The following MYH15 variants were observed in gnomAD, a reference collection of about 807,000 sequenced individuals.
MYH15 encodes the protein myosin heavy chain 15.
Under a neutral mutation model 240.5 loss-of-function variants are expected in MYH15, and 227 were observed. The ratio of observed to expected loss-of-function variants is 0.94; its 90% CI spans 0.85 to 1.05. The LOEUF is 1.05. Among genes scored for constraint, MYH15 ranks in the 50% least tolerant of loss-of-function variants. The pLI is 0.00. For synonymous variants in MYH15, 785 were observed against 796.7 expected (o/e 0.99, Z 0.25); for missense variants, 2,217 against 2,247.5 (o/e 0.99, Z 0.27).
chr3:108,542,669 C>T, the MYH15 span, among the ~76,000 whole-genome samples: 223 of 152,222 alleles, frequency 1.5e-3, no homozygotes, highest in African/African-American at 5.0e-3. Context: ...AGGCCCAGCA[C>T]CTATTAGCTA....
chr3:108,391,912 C>A lies in MYH15; in HGVS notation c.5278G>T (p.Glu1760Ter). ...ATGGTGTCTTGCTTCTTCTTCAGTT[C>A]TTCTGACAAGTTTGCTGCCTAGGGG... ...AAIEAANLSEELKKKQDTIAH... is the reference protein window; with the variant it reads ...AAIEAANLSE The change falls in exon 37 of 41, where the codon GAA becomes TAA. Residue 1760 changes from glutamate to a stop codon, truncating the protein, a stop_gained. Coordinates refer to ENST00000693548, the MANE Select transcript of MYH15 (RefSeq NM_014981.3). LOFTEE classifies it high-confidence loss of function. The A allele has an allele frequency of 6.2e-7, 1 of 1,614,028 alleles. No homozygotes were observed. Among genetic ancestry groups the A allele is most frequent in the Non-Finnish European group, 8.5e-7 (1 of 1,179,948 alleles).
intron 21 of MYH15, among the ~76,000 whole-genome samples, chr3:108,448,115 A>T (rs960077418): frequency 6.6e-6 from 1 of 152,054 alleles, no homozygotes; most frequent in African/African-American, 2.4e-5. Context: ...CAAAGAAAAA[A>T]CTTCTAGTAA....
Position 108,383,732 on chromosome 3 carries a change from A to C in MYH15, c.5632-3T>G, listed in dbSNP as rs761334625. ...AGGTATTGATTGGCTTGTGTTTCCT[A>C]TAAAAATAAAAAAAAAAAAAAAGAA... On this transcript the variant is annotated splice_polypyrimidine_tract_variant and splice_region_variant and intron_variant, in intron 39 of 40. Transcript: ENST00000693548. 1 of 1,451,648 alleles carries C rather than the reference A, an allele frequency of 6.9e-7. No individual in the cohort carries two copies. The highest frequency in any genetic ancestry group is 8.9e-7 in the Non-Finnish European group (1 of 1,119,718). The allele number at this position is 1,451,648 out of a possible 1,614,324, so 89.9% of individuals were successfully genotyped here.
At chr3:108,456,947 A>T in intron 18 of MYH15, 64 bp from the exon 19 acceptor site, 1 of 1,177,686 alleles carries the variant, frequency 8.5e-7, no homozygotes, top group Non-Finnish European at 1.3e-6. Flanking sequence ...ACAGATTTTG[A>T]ACCAATTGCT....
chr3:108,514,084 T>C (rs2083542105), upstream of MYH15, among the ~76,000 whole-genome samples: 1 of 152,170 alleles, frequency 6.6e-6, no homozygotes. Flanking sequence ...CTTTTCCTCT[T>C]AGCCAAGAAA....
intron 20 of MYH15, among the ~76,000 whole-genome samples, chr3:108,455,264 T>G (rs558971894): frequency 1.3e-5 from 2 of 152,306 alleles, no homozygotes; most frequent in South Asian, 4.1e-4. Context: ...GGAATCACAT[T>G]TAAGGAAGTT....
chr3:108,538,435 C>A, the MYH15 span, among the ~76,000 whole-genome samples: 1 of 152,156 alleles, frequency 6.6e-6, no homozygotes, highest in Admixed American at 6.5e-5. Context: ...ATTTTAAATT[C>A]TTTCAAACTA....
At chr3:108,491,038 C>T (rs143017487) in intron 9 of MYH15, among the ~76,000 whole-genome samples, 382 of 152,226 alleles carry the variant, frequency 2.5e-3, no homozygotes, top group African/African-American at 8.3e-3. Context: ...CGAGCACCTG[C>T]CACCATGCCT....
Position 108,398,652 on chromosome 3 carries a change from A to G in MYH15, c.5118T>C (p.Asn1706=). 6.2e-7 allele frequency: 1 copy of G among 1,613,180 alleles called. No individual in the cohort carries two copies. Among genetic ancestry groups the G allele is most frequent in the Non-Finnish European group, 8.5e-7 (1 of 1,180,032 alleles). The change falls in exon 35 of 41, where the codon AAT becomes AAC. Residue 1706 remains asparagine, a synonymous_variant. Coordinates refer to ENST00000693548, the MANE Select transcript of MYH15 (RefSeq NM_014981.3). ...TGGGCCCCACCTGGGTATAGAAAAGATTGATTCTTTCTGTTGCTTCCAGGA... is the reference window on the plus strand; with the variant it reads ...TGGGCCCCACCTGGGTATAGAAAAGGTTGATTCTTTCTGTTGCTTCCAGGA... ...EELLEATERI[N]LFYTQNTSLL... is the part of the protein sequence containing the mutation.
intron 30 of MYH15, among the ~76,000 whole-genome samples, chr3:108,412,332 C>A (rs998894716): frequency 6.6e-6 from 1 of 152,174 alleles, no homozygotes; most frequent in Non-Finnish European, 1.5e-5. Flanking sequence ...TTTATTCACT[C>A]ACTTCTCTTC....
In MYH15 at chr3:108,470,188, T is replaced by A. The variant is rs1012927501; in HGVS notation, c.1408A>T (p.Ile470Phe). 6.2e-7 allele frequency: 1 copy of A among 1,609,072 alleles called. No homozygotes were observed. The highest frequency in any genetic ancestry group is 1.3e-5 in the African/African-American group (1 of 74,616). The change falls in exon 14 of 41, where the codon ATT (isoleucine) becomes TTT (phenylalanine). Residue 470 changes from isoleucine (I) to phenylalanine (F), a missense_variant. Transcript: ENST00000693548. ...TGTAATTTTTCATTGGTAAAATTAATGCAAAGTTGCTCAAGGCTATTATAC... is the reference window on the plus strand; with the variant it reads ...TGTAATTTTTCATTGGTAAAATTAAAGCAAAGTTGCTCAAGGCTATTATAC... The part of the protein sequence containing the change: ...LEYNSLEQLC[I>F]NFTNEKLQQF...
In MYH15 at chr3:108,428,529, T is replaced by A; in HGVS notation, c.3665A>T (p.Asp1222Val). 1 of 1,613,914 alleles carries A rather than the reference T, an allele frequency of 6.2e-7. No homozygotes were observed. The highest frequency in any genetic ancestry group is 8.5e-7 in the Non-Finnish European group (1 of 1,179,984). ...DKSDLQLEVD[D>V]LLTRVEQMTR... is the part of the protein sequence containing the mutation. Reference sequence around the variant, plus strand: ...CATCTGCTCAACACGGGTCAGGAGGTCATCTACTTCTAGCTGCAAGTCACT... The same window carrying A: ...CATCTGCTCAACACGGGTCAGGAGGACATCTACTTCTAGCTGCAAGTCACT... The change falls in exon 27 of 41, where the codon GAC becomes GTC. Residue 1222 changes from aspartate to valine, a missense_variant. Physicochemically the swap from Asp to Val is radical, Grantham distance 152. Coordinates refer to ENST00000693548, the MANE Select transcript of MYH15 (RefSeq NM_014981.3).
rs1462351503 is a variant in MYH15 at position 108,384,781 on chromosome 3, G to A, written c.5537C>T (p.Ala1846Val). 1.4e-5 allele frequency: 23 copies of A among 1,613,122 alleles called. No individual in the cohort carries two copies. The highest frequency in any genetic ancestry group is 4.0e-5 in the African/African-American group (3 of 74,834). ...GCTCAGATTCTTCTTGTCTTCCTCT[G>A]CCTGCAATACATAGGCATGTATGGG... The part of the protein sequence containing the change: ...ERCIKELTYQ[A>V]EEDKKNLSRM... Residue 1846 changes from alanine (A) to valine (V), a missense_variant and splice_region_variant, in exon 39 of 41, where the codon GCA (alanine) becomes GTA (valine). Transcript: ENST00000693548.
chr3:108,490,912 G>C (rs1457953854), intron 9 of MYH15, among the ~76,000 whole-genome samples: 2 of 150,426 alleles, frequency 1.3e-5, no homozygotes, highest in South Asian at 2.1e-4. Context: ...TTTTGAGACA[G>C]AGTCTCACTC....
At chr3:108,405,517 C>G (rs2082540058) in intron 32 of MYH15, 64 bp from the exon 33 acceptor site, 3 of 1,070,486 alleles carry the variant, frequency 2.8e-6, no homozygotes, top group Non-Finnish European at 4.0e-6. Flanking sequence ...TATTTTTTAC[C>G]CAAAACATAT....
At chr3:108,494,430 T>A (rs973237164) in intron 7 of MYH15, among the ~76,000 whole-genome samples, 1 of 152,160 alleles carries the variant, frequency 6.6e-6, no homozygotes, top group African/African-American at 2.4e-5. Context: ...ATCTTCATGT[T>A]TATTTTTCTC....
At chr3:108,505,597 T>C (rs1336362978) in intron 2 of MYH15, 126 bp downstream of exon 2, 1 of 448,912 alleles carries the variant, frequency 2.2e-6, no homozygotes, top group Admixed American at 4.2e-5. Context: ...TTAAAATGAA[T>C]GACTCCGAAG....
chr3:108,544,092 A>G, the MYH15 span, among the ~76,000 whole-genome samples: 1 of 152,224 alleles, frequency 6.6e-6, no homozygotes, highest in African/African-American at 2.4e-5. Context: ...TCTCTGGTGG[A>G]TCTAAAAGAA....
chr3:108,439,989 C>G (rs1049896423), intron 23 of MYH15, 76 bp from the exon 24 acceptor site: 116 of 1,333,334 alleles, frequency 8.7e-5, no homozygotes, highest in Non-Finnish European at 1.1e-4. Flanking sequence ...CATTTCTCTT[C>G]TGTCGTCCAA....
Sources: gnomAD v4.1 joint callset for allele counts (sites outside exome capture counted in the v4.1 genomes callset) on GRCh38, gnomAD v4.1.1 for gene constraint, MANE v1.5 for transcripts, NCBI Gene and HGNC (gene_info 2026-07-23, HGNC 2026-07-21) for gene names.